Variants in LRP1B observed in about 807,000 individuals in gnomAD.
LRP1B encodes low-density lipoprotein receptor-related protein 1B.
A neutral mutation model predicts 556.6 loss-of-function variants in LRP1B; 217 were observed. The ratio of observed to expected loss-of-function variants is 0.39; its 90% CI spans 0.35 to 0.44. The LOEUF is 0.44. LRP1B is among the 20% of genes least tolerant of loss of function. LRP1B has a pLI of 1.00. For synonymous variants in LRP1B, 2,047 were observed against 1,865.8 expected, an observed-to-expected ratio of 1.10 and a Z score of -2.50; for missense variants, 5,053 against 5,620.8, an observed-to-expected ratio of 0.90 and a Z score of 3.23.
chr2:142,045,354 G>A (rs556781574), intron 1 of LRP1B, among the ~76,000 whole-genome samples: 19 of 151,700 alleles, frequency 1.3e-4, no homozygotes, highest in Middle Eastern at 3.2e-3. Flanking sequence ...CTCCTTCATC[G>A]TCACCGTGCT....
chr2:141,186,712 G>T (rs1681275015), intron 7 of LRP1B, among the ~76,000 whole-genome samples: 1 of 152,036 alleles, frequency 6.6e-6, no homozygotes, highest in South Asian at 2.1e-4. Context: ...TGATGTGGGG[G>T]TTTTCTACTC....
chr2:141,488,528 A>C (rs926481721), intron 2 of LRP1B, among the ~76,000 whole-genome samples: 4 of 152,148 alleles, frequency 2.6e-5, no homozygotes, highest in Non-Finnish European at 5.9e-5. Flanking sequence ...GCACGAAAAC[A>C]GATCACTGCA....
At chr2:141,001,138 A>G (rs1573968266) in intron 15 of LRP1B, among the ~76,000 whole-genome samples, 2 of 152,088 alleles carry the variant, frequency 1.3e-5, no homozygotes, top group East Asian at 3.9e-4. Flanking sequence ...TCCTACAATG[A>G]TAAAGAACAA....
chr2:140,983,935 A>C (rs573637500), intron 17 of LRP1B, among the ~76,000 whole-genome samples: 1 of 152,042 alleles, frequency 6.6e-6, no homozygotes, highest in Admixed American at 6.6e-5. Flanking sequence ...AAAATTAAAT[A>C]ATTCTATATT....
intron 84 of LRP1B, among the ~76,000 whole-genome samples, chr2:140,291,397 G>A (rs1167205647): frequency 6.8e-6 from 1 of 147,944 alleles, no homozygotes; most frequent in African/African-American, 2.5e-5. Context: ...TGTCGTGTTG[G>A]TGTGCTGCAC....
chr2:141,738,391 T>C (rs1693572756), intron 2 of LRP1B, among the ~76,000 whole-genome samples: 1 of 152,158 alleles, frequency 6.6e-6, no homozygotes, highest in African/African-American at 2.4e-5. Flanking sequence ...CAGTGCTCCA[T>C]GTACAGCTGC....
chr2:141,125,665 G>A (rs1323637605), intron 7 of LRP1B, among the ~76,000 whole-genome samples: 1 of 152,026 alleles, frequency 6.6e-6, no homozygotes, highest in Admixed American at 6.6e-5. Context: ...CAATCCAGTA[G>A]TACTGTGTCT....
chr2:140,700,675 T>C (rs1686605908), intron 40 of LRP1B, 54 bp from the exon 41 acceptor site: 1 of 1,555,588 alleles, frequency 6.4e-7, no homozygotes, highest in South Asian at 1.2e-5. Context: ...TCTTTTGTTT[T>C]TGAAACAAAA....
intron 3 of LRP1B, among the ~76,000 whole-genome samples, chr2:141,477,082 C>G (rs1682735953): frequency 6.6e-6 from 1 of 151,882 alleles, no homozygotes; most frequent in Non-Finnish European, 1.5e-5. Flanking sequence ...GAGATAGCGC[C>G]ATTGCACTCC....
Position 141,579,724 on chromosome 2 carries a change from C to CTTTTTTTTTTTAT in LRP1B, c.206-99192_206-99191insATAAAAAAAAAAA, listed in dbSNP as rs1553538237. Among the ~76,000 whole-genome samples, 41 of 101,002 alleles carry CTTTTTTTTTTTAT rather than the reference C, an allele frequency of 4.1e-4. 1 individual carries two copies. The highest frequency in any genetic ancestry group is 4.7e-4 in the Admixed American group (4 of 8,532). The allele number at this position is 101,002 out of a possible 152,430, so 66.3% of individuals were successfully genotyped here. ...CATAAGGAAAACATATCAGGTTTCA[C>CTTTTTTTTTTTAT]TTTTTTTTTTTTTTTTTTGAGACGG... On this transcript the variant is annotated intron_variant, in intron 2 of 90. Coordinates refer to ENST00000389484, the MANE Select transcript of LRP1B (RefSeq NM_018557.3).
At chr2:140,930,378 T>A (rs1695015126) in intron 20 of LRP1B, among the ~76,000 whole-genome samples, 1 of 152,100 alleles carries the variant, frequency 6.6e-6, no homozygotes, top group African/African-American at 2.4e-5. Context: ...GTAGAATTTA[T>A]TCCAATATTT....
intron 66 of LRP1B, among the ~76,000 whole-genome samples, chr2:140,399,082 C>A (rs984914140): frequency 6.6e-6 from 1 of 151,846 alleles, no homozygotes; most frequent in African/African-American, 2.4e-5. Context: ...ACTTATCTTT[C>A]TTTTTCTTTA....
intron 2 of LRP1B, among the ~76,000 whole-genome samples, chr2:141,716,644 T>G (rs1692605784): frequency 6.6e-6 from 1 of 152,152 alleles, no homozygotes; most frequent in Non-Finnish European, 1.5e-5. Flanking sequence ...CTGCATATGT[T>G]TTTGTCACTT....
intron 43 of LRP1B, among the ~76,000 whole-genome samples, chr2:140,544,669 T>C (rs558035877): frequency 6.6e-6 from 1 of 152,070 alleles, no homozygotes; most frequent in South Asian, 2.1e-4. Context: ...TTTTTTATGA[T>C]TGCATGGTAT....
At chr2:142,101,514 G>A (rs1264614757) in intron 1 of LRP1B, among the ~76,000 whole-genome samples, 1 of 151,952 alleles carries the variant, frequency 6.6e-6, no homozygotes, top group Admixed American at 6.6e-5. Context: ...CATATATCCT[G>A]ATGATATAGG....
chr2:140,371,409 G>A (rs776773009), intron 69 of LRP1B, 124 bp from the exon 70 acceptor site: 19 of 408,998 alleles, frequency 4.6e-5, no homozygotes, highest in African/African-American at 6.3e-5. Context: ...ACTATATAAC[G>A]ACATTTAATG....
chr2:140,753,093 T>G lies in LRP1B; in HGVS notation c.5758+16120A>C, dbSNP rs561915474. Among the ~76,000 whole-genome samples the G allele has an allele frequency of 2.6e-5, 4 of 152,348 alleles. No homozygotes were observed. The East Asian group carries it at 7.7e-4, about 29-fold the overall frequency. ...GATCTTTTTACTGTCTCCATAGTTT[T>G]ACATTTTCAAAAAAGTAATCTACAT... On this transcript the variant is annotated intron_variant, in intron 35 of 90. Coordinates refer to ENST00000389484, the MANE Select transcript of LRP1B (RefSeq NM_018557.3).
chr2:140,686,158 C>T (rs983396940), intron 41 of LRP1B, among the ~76,000 whole-genome samples: 8 of 152,096 alleles, frequency 5.3e-5, no homozygotes, highest in Admixed American at 5.2e-4. Flanking sequence ...GTGAGTAGGA[C>T]TAGAGGACAG....
At chr2:140,731,764 C>CAAAAA (rs36060787) in intron 35 of LRP1B, among the ~76,000 whole-genome samples, 16 of 59,392 alleles carry the variant, frequency 2.7e-4, no homozygotes, top group African/African-American at 6.5e-4. Context: ...GAGACTCCGT[C>CAAAAA]AAAAAAAAAA....
Sources: allele counts gnomAD v4.1 joint callset (sites outside exome capture counted in the v4.1 genomes callset), GRCh38; gene constraint gnomAD v4.1.1; transcripts MANE v1.5; gene names NCBI Gene and HGNC (gene_info 2026-07-23, HGNC 2026-07-21).